Variants in TMEM143 observed in about 807,000 individuals in gnomAD.
TMEM143 encodes the protein transmembrane protein 143.
TMEM143 carries 45 observed loss-of-function variants against 40.3 expected under a neutral mutation model. That is an observed-to-expected ratio of 1.12 (90% CI 0.88 to 1.43). The LOEUF is 1.43. TMEM143 is among the 40% of genes most tolerant of loss of function. The pLI is 0.00. For missense variants in TMEM143, 620 were observed against 613.4 expected (o/e 1.01, Z -0.11); for synonymous variants, 299 against 282.7 (o/e 1.06, Z -0.58).
Position 48,334,101 on chromosome 19 carries a change from C to T in TMEM143, c.1072G>A (p.Ala358Thr). The change falls in exon 7 of 8, where the codon GCC becomes ACC. Residue 358 changes from alanine to threonine, a missense_variant. Transcript: ENST00000293261. ...SNNSELLSAL[A>T]LRAQDEHTKE... ...GTGTGCTCGTCCTGCGCGCGCAGGG[C>T]CAGGGCGCTGAGCAGCTCCGAGTTG... 2.5e-6 allele frequency: 4 copies of T among 1,597,300 alleles called. No homozygotes were observed. The highest frequency in any genetic ancestry group is 3.4e-6 in the Non-Finnish European group (4 of 1,173,138).
chr19:48,359,371 T>G (rs1384599222), intron 3 of TMEM143, among the ~76,000 whole-genome samples: 1 of 151,858 alleles, frequency 6.6e-6, no homozygotes, highest in Non-Finnish European at 1.5e-5. Flanking sequence ...TGCTCTTCCA[T>G]CTGCCAAGAA....
chr19:48,359,488 G>C (rs2147387929), intron 3 of TMEM143, among the ~76,000 whole-genome samples: 2 of 120,408 alleles, frequency 1.7e-5, no homozygotes, highest in East Asian at 2.8e-4. Flanking sequence ...GTCTGAAACA[G>C]GCCCCATCTC....
chr19:48,336,915 G>A (rs1310281304), intron 6 of TMEM143, among the ~76,000 whole-genome samples: 1 of 151,946 alleles, frequency 6.6e-6, no homozygotes, highest in Non-Finnish European at 1.5e-5. Context: ...CAGCTACTCA[G>A]GAGGCTGAGG....
chr19:48,336,315 C>T (rs776223399), intron 6 of TMEM143, among the ~76,000 whole-genome samples: 6 of 150,926 alleles, frequency 4.0e-5, no homozygotes, highest in Non-Finnish European at 7.4e-5. Flanking sequence ...GTCAGGAGTT[C>T]GAAACCAGCC....
chr19:48,334,136 C>T lies in TMEM143; in HGVS notation c.1037G>A (p.Ser346Asn). ...LELAHMLYYR[S>N]TSNNSELLSA... The stretch of plus-strand genomic sequence containing the variant: ...GAGCAGCTCCGAGTTGTTGGACGTA[C>T]TGCGATAGTACAGCATGTGCGCCAG... Residue 346 changes from serine to asparagine, a missense_variant, in exon 7 of 8, where the codon AGT becomes AAT. Coordinates refer to ENST00000293261, the MANE Select transcript of TMEM143 (RefSeq NM_018273.4). 1 of 1,608,324 alleles carries T rather than the reference C, an allele frequency of 6.2e-7. No homozygotes were observed. The highest frequency in any genetic ancestry group is 8.5e-7 in the Non-Finnish European group (1 of 1,177,938).
chr19:48,351,639 G>A (rs867732932), intron 3 of TMEM143, among the ~76,000 whole-genome samples: 5 of 151,732 alleles, frequency 3.3e-5, no homozygotes, highest in East Asian at 1.9e-4. Flanking sequence ...CTCTAGCCCC[G>A]CAGGCCTCCT....
intron 3 of TMEM143, among the ~76,000 whole-genome samples, chr19:48,359,409 C>T (rs753571375): frequency 1.9e-4 from 29 of 151,986 alleles, no homozygotes; most frequent in Non-Finnish European, 2.9e-4. Flanking sequence ...TCATCAGGCT[C>T]GTTCCCCCTC....
chr19:48,341,004 T>C (rs76193859), intron 6 of TMEM143, among the ~76,000 whole-genome samples: 5,068 of 152,294 alleles, frequency 0.033, 117 homozygotes, highest in Middle Eastern at 0.071. Context: ...TTGGCCCAAG[T>C]ATGCCAGCAC....
intron 6 of TMEM143, among the ~76,000 whole-genome samples, chr19:48,335,835 A>C (rs1969355056): frequency 6.6e-6 from 1 of 152,180 alleles, no homozygotes; most frequent in Non-Finnish European, 1.5e-5. Flanking sequence ...CTGAGGCTAC[A>C]GTGAGCCATG....
chr19:48,352,251 A>AAAAAAAAAAAAAAAAAAAAAAAACAAAC (rs1569033843), intron 3 of TMEM143, among the ~76,000 whole-genome samples: 2 of 147,934 alleles, frequency 1.4e-5, no homozygotes, highest in African/African-American at 2.5e-5. Context: ...TGTCTCAAAA[A>AAAAAAAAAAAAAAAAAAAAAAAACAAAC]AAAAAAAAAA....
chr19:48,345,969 G>A (rs543708153), intron 3 of TMEM143, among the ~76,000 whole-genome samples: 28 of 151,336 alleles, frequency 1.9e-4, no homozygotes, highest in African/African-American at 6.8e-4. Context: ...ATTTTTAGTA[G>A]AGAAGGGGTT....
chr19:48,360,335 T>C, intron 2 of TMEM143, 159 bp from the exon 3 acceptor site: 1 of 667,102 alleles, frequency 1.5e-6, no homozygotes, highest in Non-Finnish European at 2.6e-6. Flanking sequence ...TCCCAGCACT[T>C]TGGGAGGCCG....
chr19:48,333,850 G>T lies in TMEM143; in HGVS notation c.1165+158C>A, dbSNP rs1969275350. On this transcript the variant is annotated intron_variant, in intron 7 of 7. Coordinates refer to ENST00000293261, the MANE Select transcript of TMEM143 (RefSeq NM_018273.4). The surrounding 1 kb of genome is among the most constrained non-coding windows in gnomAD (Gnocchi z 4.1). ...GGCTGTCACATCAGGCACCAAGATC[G>T]GAGTCTGGATTCGGAGGTCCTGTCT... Among the ~76,000 whole-genome samples, 1 of 152,174 alleles carries T rather than the reference G, an allele frequency of 6.6e-6. No individual in the cohort carries two copies. The highest frequency in any genetic ancestry group is 1.5e-5 in the Non-Finnish European group (1 of 68,014).
rs12459714 is a variant in TMEM143, at chr19:48,333,519, A to G, written c.1166-86T>C. The G allele has an allele frequency of 1.1e-3, 963 of 901,346 alleles. 6 individuals carry two copies. In the African/African-American group the frequency reaches 0.012, roughly 11 times the overall value. 55.8% of individuals were successfully genotyped at this position (901,346 alleles called of 1,614,324 possible). On this transcript the variant is annotated intron_variant, in intron 7 of 7. Transcript: ENST00000293261. The surrounding 1 kb of genome is among the most constrained non-coding windows in gnomAD (Gnocchi z 4.1). ...CAGCAAGGAGGGGCGTAGGGCAAAG[A>G]ACAGGAAGGGCCTGGGTTTGGGAGA...
rs1969877373 is a variant in TMEM143 at position 48,355,813 on chromosome 19, G to A, written c.369+4259C>T. 2.0e-5 allele frequency among the ~76,000 whole-genome samples: 3 copies of A among 152,186 alleles called. No individual in the cohort carries two copies. The South Asian group carries it at 6.2e-4, about 32-fold the overall frequency. ...AGTGTCTTGGTTTACCTGGGGCCTG[G>A]GGCCACACTGGATGCTGTGTGTTAA... On this transcript the variant is annotated intron_variant, in intron 3 of 7. Transcript: ENST00000293261.
At chr19:48,342,887 A>T in intron 5 of TMEM143, 78 bp from the exon 6 acceptor site, 2 of 1,479,416 alleles carry the variant, frequency 1.4e-6, no homozygotes, top group Non-Finnish European at 1.8e-6. Flanking sequence ...TAGGACGCTC[A>T]CTCTGGCTCT....
intron 3 of TMEM143, among the ~76,000 whole-genome samples, chr19:48,352,420 C>T (rs1276933665): frequency 3.3e-5 from 5 of 150,662 alleles, no homozygotes; most frequent in Admixed American, 2.6e-4. Flanking sequence ...CCTCCTGCCT[C>T]AGCCTCCCAA....
At chr19:48,353,282 C>T (rs896882025) in intron 3 of TMEM143, among the ~76,000 whole-genome samples, 2 of 151,166 alleles carry the variant, frequency 1.3e-5, no homozygotes, top group African/African-American at 2.4e-5. Flanking sequence ...TGGGTGCAAG[C>T]GATTCTCCTG....
In TMEM143 at chr19:48,352,262, A is replaced by AAAACAAAACAAAAAAAAAAAAAAAC. The variant is rs74518287; in HGVS notation, c.370-6909_370-6908insGTTTTTTTTTTTTTTTGTTTTGTTT. On this transcript the variant is annotated intron_variant, in intron 3 of 7. Transcript: ENST00000293261. The stretch of plus-strand genomic sequence containing the variant: ...ACTCTGTCTCAAAAAAAAAAAAAAA[A>AAAACAAAACAAAAAAAAAAAAAAAC]CACCATATCTGCATATAACCTCTAC... Among the ~76,000 whole-genome samples the AAAACAAAACAAAAAAAAAAAAAAAC allele has an allele frequency of 8.6e-3, 1,246 of 145,160 alleles. 48 individuals carry two copies. Among genetic ancestry groups the AAAACAAAACAAAAAAAAAAAAAAAC allele is most frequent in the Middle Eastern group, 0.07 (18 of 258 alleles).
Sources: allele counts gnomAD v4.1 joint callset (sites outside exome capture counted in the v4.1 genomes callset), GRCh38; gene constraint gnomAD v4.1.1; non-coding constraint Gnocchi (gnomAD v3.1); transcripts MANE v1.5; gene names NCBI Gene and HGNC (gene_info 2026-07-23, HGNC 2026-07-21).